Variants in FMN1 observed in about 807,000 individuals in gnomAD.
FMN1 encodes the protein formin 1.
Under a neutral mutation model 132.4 loss-of-function variants are expected in FMN1, and 110 were observed. The ratio of observed to expected loss-of-function variants is 0.83; its 90% CI spans 0.71 to 0.97. The LOEUF (loss-of-function observed/expected upper bound fraction) is 0.97, where lower values mean the gene tolerates loss of function less well. Among genes scored for constraint, FMN1 ranks in the 50% least tolerant of loss-of-function variants. The pLI is 0.00. For missense variants in FMN1, 1,792 were observed against 1,705.3 expected (o/e 1.05, Z -0.90); for synonymous variants, 722 against 651.7 (o/e 1.11, Z -1.64).
chr15:33,004,989 T>C (rs2034334873), intron 7 of FMN1, among the ~76,000 whole-genome samples: 1 of 151,872 alleles, frequency 6.6e-6, no homozygotes, highest in African/African-American at 2.4e-5. Context: ...ACTTGAACAA[T>C]GAGAACACGT....
intron 9 of FMN1, among the ~76,000 whole-genome samples, chr15:32,931,937 G>A (rs2061128830): frequency 6.6e-6 from 1 of 152,034 alleles, no homozygotes; most frequent in African/African-American, 2.4e-5. Flanking sequence ...AGAAAACAGT[G>A]TTGAGTTTTT....
intron 15 of FMN1, 30 bp from the exon 16 acceptor site, chr15:32,888,322 A>G (rs1375276628): frequency 1.9e-6 from 3 of 1,548,624 alleles, no homozygotes. Flanking sequence ...AAAGTACATT[A>G]TACTTCCCAA....
At chr15:33,132,912 A>AC (rs1367358229) in intron 4 of FMN1, among the ~76,000 whole-genome samples, 1 of 151,836 alleles carries the variant, frequency 6.6e-6, no homozygotes, top group South Asian at 2.1e-4. Flanking sequence ...GTGAGCACAC[A>AC]CCCCCCTCTA....
intron 17 of FMN1, among the ~76,000 whole-genome samples, chr15:32,830,653 A>G (rs553245498): frequency 5.9e-5 from 9 of 152,284 alleles, no homozygotes; most frequent in African/African-American, 1.7e-4. Context: ...AATTTCTCAA[A>G]TATTTAAAAA....
At chr15:33,130,769 T>TA (rs1187447303) in intron 4 of FMN1, among the ~76,000 whole-genome samples, 2 of 152,256 alleles carry the variant, frequency 1.3e-5, no homozygotes, top group Non-Finnish European at 2.9e-5. Flanking sequence ...TCAAAACACT[T>TA]ACATTTGCTT....
At chr15:33,104,265 A>G (rs1298316440) in intron 4 of FMN1, among the ~76,000 whole-genome samples, 3 of 152,150 alleles carry the variant, frequency 2.0e-5, no homozygotes, top group African/African-American at 2.4e-5. Context: ...ACTGAACTGT[A>G]TGGTGCTGAC....
intron 2 of FMN1, among the ~76,000 whole-genome samples, chr15:33,184,502 CT>C (rs201097859): frequency 5.8e-4 from 81 of 138,512 alleles, no homozygotes; most frequent in Admixed American, 6.5e-4. Flanking sequence ...TTTTTTTTTT[CT>C]TTTTTTTTTT....
intron 6 of FMN1, among the ~76,000 whole-genome samples, chr15:33,020,594 C>T (rs2035364493): frequency 1.3e-5 from 2 of 150,494 alleles, no homozygotes; most frequent in South Asian, 2.1e-4. Flanking sequence ...GTTGAGGTCA[C>T]GCCATTGCAC....
chr15:33,096,103 A>G lies in FMN1; in HGVS notation c.1868-7129T>C, dbSNP rs116468788. The stretch of plus-strand genomic sequence containing the variant: ...ATATGGCTCTGAGTGTCCTTGCAAC[A>G]TAGTGAGAATGAAAGGACATTCTTT... On this transcript the variant is annotated intron_variant, in intron 4 of 20. Transcript: ENST00000616417. 9.6e-3 allele frequency among the ~76,000 whole-genome samples: 1,462 copies of G among 152,260 alleles called. 28 individuals are homozygous for G. Among genetic ancestry groups the G allele is most frequent in the African/African-American group, 0.033 (1,388 of 41,548 alleles).
intron 17 of FMN1, among the ~76,000 whole-genome samples, chr15:32,848,375 T>C (rs1170812638): frequency 6.6e-6 from 1 of 150,482 alleles, no homozygotes; most frequent in African/African-American, 2.5e-5. Context: ...TATTAGACTG[T>C]CTTGAGCTCT....
chr15:32,976,937 GCAGACAT>G (rs1377746714), intron 7 of FMN1, among the ~76,000 whole-genome samples: 1 of 152,178 alleles, frequency 6.6e-6, no homozygotes, highest in East Asian at 1.9e-4. Context: ...ACTCTGCAAG[GCAGACAT>G]TCTGGGGGAC....
rs756048341 is a variant in FMN1 at position 32,776,892 on chromosome 15, G to A, written c.4158C>T (p.Ser1386=). 1.3e-5 allele frequency: 21 copies of A among 1,594,938 alleles called. No homozygotes were observed. The African/African-American group carries it at 2.3e-4, about 17-fold the overall frequency. The change falls in exon 20 of 21, where the codon AGC becomes AGT. Residue 1386 remains serine (S), a synonymous_variant. Transcript: ENST00000616417. ...ERLKMAQESV[S]KLTSEKKVET... is the part of the protein sequence containing the mutation. ...CCACTTTCTTCTCTGAAGTCAACTT[G>A]CTGACTGATTCCTGAGCCATTTTCA...
chr15:32,812,759 A>G (rs1567208772), intron 17 of FMN1, among the ~76,000 whole-genome samples: 2 of 152,256 alleles, frequency 1.3e-5, no homozygotes, highest in South Asian at 2.1e-4. Context: ...TATTCGTAAA[A>G]TATCTTATTG....
chr15:32,862,162 C>T (rs2059284286), intron 16 of FMN1, among the ~76,000 whole-genome samples: 1 of 152,068 alleles, frequency 6.6e-6, no homozygotes, highest in African/African-American at 2.4e-5. Context: ...AATGATGACA[C>T]CGGAGACTGG....
In FMN1 at chr15:32,765,970, A is replaced by G. The variant is rs2056033449; in HGVS notation, c.*8340T>C. On this transcript the variant is annotated 3_prime_UTR_variant, in exon 21 of 21. Transcript: ENST00000616417. ...ATATGCAAACAAATTAGAAATACGT[A>G]TTTTTAAAAATGCAAAGGGAAAAAT... 6.6e-6 allele frequency: 1 copy of G among 152,182 alleles called. No individual in the cohort carries two copies. Among genetic ancestry groups the G allele is most frequent in the East Asian group, 1.9e-4 (1 of 5,202 alleles). The allele number at this position is 152,182 out of a possible 1,614,324, so 9.4% of individuals were successfully genotyped here. A position where few individuals can be genotyped will look rare whatever the true frequency, so the allele number is the denominator to read the frequency against.
At chr15:32,872,923 T>A (rs2059549547) in intron 16 of FMN1, among the ~76,000 whole-genome samples, 2 of 147,574 alleles carry the variant, frequency 1.4e-5, no homozygotes, top group South Asian at 4.4e-4. Flanking sequence ...CAGAAAGGCA[T>A]AAAGAGAAGA....
rs747350 is a variant in FMN1 at position 32,997,815 on chromosome 15, T to C, written c.2223+10199A>G. The stretch of plus-strand genomic sequence containing the variant: ...GCTGCTGCCCTTTCAATTCCTTCAA[T>C]AGCCCTTTCAGGAAAGGACAGAAGA... On this transcript the variant is annotated intron_variant, in intron 7 of 20. Coordinates refer to ENST00000616417, the MANE Select transcript of FMN1 (RefSeq NM_001277313.2). 3.6e-3 allele frequency among the ~76,000 whole-genome samples: 540 copies of C among 151,764 alleles called. 10 individuals carry two copies. The highest frequency in any genetic ancestry group is 0.013 in the African/African-American group (526 of 41,360).
intron 9 of FMN1, among the ~76,000 whole-genome samples, chr15:32,952,046 C>T (rs1318609571): frequency 6.6e-6 from 1 of 152,186 alleles, no homozygotes; most frequent in Non-Finnish European, 1.5e-5. Context: ...ACTCTCTGTG[C>T]AGGTCTGTGA....
chr15:32,861,430 A>G (rs780072108), intron 16 of FMN1, among the ~76,000 whole-genome samples: 1 of 152,192 alleles, frequency 6.6e-6, no homozygotes, highest in African/African-American at 2.4e-5. Flanking sequence ...TGGGGGTGGT[A>G]AAGAGCTTGT....
Sources: allele counts gnomAD v4.1 joint callset (sites outside exome capture counted in the v4.1 genomes callset), GRCh38; gene constraint gnomAD v4.1.1; transcripts MANE v1.5; gene names NCBI Gene and HGNC (gene_info 2026-07-23, HGNC 2026-07-21).